SEC13: variants seen among roughly 807,000 people sequenced by gnomAD.
SEC13 encodes the protein SEC13 homolog, nuclear pore and COPII component.
A neutral mutation model predicts 49.2 loss-of-function variants in SEC13; 25 were observed. That is an observed-to-expected ratio of 0.51 (90% CI 0.37 to 0.71). The LOEUF (loss-of-function observed/expected upper bound fraction) is 0.71. Ranked by LOEUF, SEC13 falls within the 30% of genes least tolerant of loss-of-function variation. The pLI is 0.00. For missense variants in SEC13, 383 were observed against 417.6 expected, an observed-to-expected ratio of 0.92 and a Z score of 0.72; for synonymous variants, 148 against 163.9, an observed-to-expected ratio of 0.90 and a Z score of 0.74.
chr3:10,312,721 A>AC lies in SEC13; in HGVS notation c.173dup (p.Pro59SerfsTer22). On this transcript the variant is annotated frameshift_variant, in exon 4 of 9. Coordinates refer to ENST00000350697, the MANE Select transcript of SEC13 (RefSeq NM_183352.3). LOFTEE classifies it high-confidence loss of function. The stretch of plus-strand genomic sequence containing the variant: ...GAGCCCAGGCCACTTGCCACACAGG[A>AC]CCCTCATGACTACAAAGGGAGAGAT... 1 of 1,614,108 alleles carries AC rather than the reference A, an allele frequency of 6.2e-7. No individual in the cohort carries two copies. Among genetic ancestry groups the AC allele is most frequent in the Non-Finnish European group, 8.5e-7 (1 of 1,180,004 alleles).
chr3:10,312,863 A>G (rs775850960), intron 3 of SEC13, 133 bp from the exon 4 acceptor site: 5 of 845,380 alleles, frequency 5.9e-6, no homozygotes, highest in African/African-American at 3.4e-5. Context: ...GAACTATACA[A>G]TGCCATTGCA....
In SEC13 at chr3:10,315,431, G is replaced by C; in HGVS notation, c.54C>G (p.Asp18Glu). 1 of 1,506,974 alleles carries C rather than the reference G, an allele frequency of 6.6e-7. No individual in the cohort carries two copies. 93.4% of individuals were successfully genotyped at this position (1,506,974 alleles called of 1,614,324 possible). A position where few individuals can be genotyped will look rare whatever the true frequency, so the allele number is the denominator to read the frequency against. The stretch of plus-strand genomic sequence containing the variant: ...GGGTGCCATAGTAGTCCATCTGGGC[G>C]TCGTGCTGCAAAGGGAGGACAGCTC... ...VDTSHEDMIH[D>E]AQMDYYGTRL... Residue 18 changes from aspartate (D) to glutamate (E), a missense_variant, in exon 3 of 9, where the codon GAC (aspartate) becomes GAG (glutamate). Transcript: ENST00000350697.
chr3:10,319,297 A>G lies in SEC13; in HGVS notation c.4-1203T>C, dbSNP rs1279838409. ...TCTCTCATCAGATTCTAGACTCTCT[A>G]AAAACCAGGTCCCCGAAGTCTGCAA... On this transcript the variant is annotated intron_variant, in intron 1 of 8. Coordinates refer to ENST00000350697, the MANE Select transcript of SEC13 (RefSeq NM_183352.3). 1.9e-6 allele frequency: 3 copies of G among 1,593,418 alleles called. No homozygotes were observed. In the Admixed American group the frequency reaches 5.5e-5, roughly 29 times the overall value.
Position 10,312,668 on chromosome 3 carries a change from G to A in SEC13, c.227C>T (p.Ser76Leu), listed in dbSNP as rs766208174. 6.2e-7 allele frequency: 1 copy of A among 1,614,166 alleles called. No individual in the cohort carries two copies. Among genetic ancestry groups the A allele is most frequent in the African/African-American group, 1.3e-5 (1 of 75,038 alleles). ...AATGACTTTCCGGTCATAGGAGCAC[G>A]ATGCCAGGATGTTGCCGTACATGGG... ...AHPMYGNILA[S>L]CSYDRKVIIW... Residue 76 changes from serine (S) to leucine (L), a missense_variant, in exon 4 of 9, where the codon TCG becomes TTG. Coordinates refer to ENST00000350697, the MANE Select transcript of SEC13 (RefSeq NM_183352.3).
intron 8 of SEC13, among the ~76,000 whole-genome samples, chr3:10,301,701 A>G (rs1700530259): frequency 6.6e-6 from 1 of 152,222 alleles, no homozygotes. Context: ...AGAGCAGAGC[A>G]TCGGTCACCT....
In SEC13 at chr3:10,301,231, C is replaced by T. The variant is rs371219254; in HGVS notation, c.*30G>A. ...CAGGAAGGGGCAGTCCTGGAGCTGG[C>T]GGGTGGGGAGCCAGGCCCCACCTGT... On this transcript the variant is annotated 3_prime_UTR_variant, in exon 9 of 9. Coordinates refer to ENST00000350697, the MANE Select transcript of SEC13 (RefSeq NM_183352.3). 19 of 1,613,934 alleles carry T rather than the reference C, an allele frequency of 1.2e-5. No individual in the cohort carries two copies. In the East Asian group the frequency reaches 2.2e-4, roughly 19 times the overall value.
At chr3:10,302,044 C>T (rs1700561661) in intron 8 of SEC13, among the ~76,000 whole-genome samples, 1 of 152,042 alleles carries the variant, frequency 6.6e-6, no homozygotes, top group South Asian at 2.1e-4. Context: ...GAGTTCGCGA[C>T]CAGCCTGAAC....
At chr3:10,319,548 T>G (rs1220942998) in intron 1 of SEC13, among the ~76,000 whole-genome samples, 2 of 152,014 alleles carry the variant, frequency 1.3e-5, no homozygotes, top group Admixed American at 6.6e-5. Flanking sequence ...CTTCTAATGC[T>G]GAGTCCACAA....
intron 1 of SEC13, chr3:10,320,675 T>C (rs1466269511): frequency 7.4e-6 from 8 of 1,083,314 alleles, no homozygotes; most frequent in East Asian, 6.0e-5. Flanking sequence ...CTGTAAAGTG[T>C]TGAGAAGAAT....
intron 1 of SEC13, chr3:10,320,782 CA>C: frequency 7.6e-6 from 10 of 1,322,562 alleles, no homozygotes; most frequent in Non-Finnish European, 9.6e-6. Flanking sequence ...GTTTTGTTTT[CA>C]ATTGTTGACC....
chr3:10,320,926 C>A, intron 1 of SEC13, 124 bp downstream of exon 1: 3 of 1,511,666 alleles, frequency 2.0e-6, no homozygotes, highest in Non-Finnish European at 2.7e-6. Context: ...CCCCAAATCT[C>A]TAAGCGGTGG....
At chr3:10,314,768 C>T (rs903503721) in intron 3 of SEC13, among the ~76,000 whole-genome samples, 2 of 152,232 alleles carry the variant, frequency 1.3e-5, no homozygotes, top group African/African-American at 4.8e-5. Flanking sequence ...TGTAAATAAT[C>T]ACTGAACACG....
chr3:10,302,887 G>T (rs955805702), intron 8 of SEC13, among the ~76,000 whole-genome samples: 3 of 152,196 alleles, frequency 2.0e-5, no homozygotes, highest in Non-Finnish European at 4.4e-5. Flanking sequence ...CACATGCTAC[G>T]TACAGCATGG....
intron 8 of SEC13, among the ~76,000 whole-genome samples, chr3:10,302,477 C>T (rs776814556): frequency 1.3e-5 from 2 of 152,160 alleles, no homozygotes; most frequent in African/African-American, 4.8e-5. Flanking sequence ...TGCACAGTGA[C>T]GGGCCCCACA....
rs1457965583 is a variant in SEC13 at position 10,305,263 on chromosome 3, T to A, written c.585-107A>T. 1.2e-5 allele frequency: 18 copies of A among 1,440,462 alleles called. No individual in the cohort carries two copies. In the Middle Eastern group the frequency reaches 2.0e-3, roughly 160 times the overall value. The allele number at this position is 1,440,462 out of a possible 1,614,324, so 89.2% of individuals were successfully genotyped here. On this transcript the variant is annotated intron_variant, in intron 6 of 8. Coordinates refer to ENST00000350697, the MANE Select transcript of SEC13 (RefSeq NM_183352.3). ...GGGTGGAGAAGCGATTCCATCTTTC[T>A]TCTTTCATTCATGGAGTTTGTGGCA...
intron 5 of SEC13, 183 bp downstream of exon 5, chr3:10,311,782 G>A: frequency 2.8e-6 from 4 of 1,448,074 alleles, no homozygotes; most frequent in Non-Finnish European, 2.7e-6. Flanking sequence ...GCCAAGCCCT[G>A]CCTGGTCTGG....
Position 10,301,231 on chromosome 3 carries a change from C to G in SEC13, c.*30G>C. The G allele has an allele frequency of 1.9e-6, 3 of 1,614,052 alleles. No individual in the cohort carries two copies. The highest frequency in any genetic ancestry group is 2.5e-6 in the Non-Finnish European group (3 of 1,179,978). ...CAGGAAGGGGCAGTCCTGGAGCTGG[C>G]GGGTGGGGAGCCAGGCCCCACCTGT... On this transcript the variant is annotated 3_prime_UTR_variant, in exon 9 of 9. Transcript: ENST00000350697.
intron 2 of SEC13, 41 bp from the exon 3 acceptor site, chr3:10,315,477 G>C (rs1176866602): frequency 1.4e-6 from 1 of 705,212 alleles, no homozygotes; most frequent in African/African-American, 1.8e-5. Context: ...CAGGCTGGGT[G>C]GGTGGGTGGG....
At chr3:10,301,518 A>C in intron 8 of SEC13, 144 bp from the exon 9 acceptor site, 46 of 1,044,126 alleles carry the variant, frequency 4.4e-5, no homozygotes, top group Non-Finnish European at 5.9e-5. Flanking sequence ...CTGAAATCTC[A>C]CCAAAATGAG....
Sources: allele counts gnomAD v4.1 joint callset (sites outside exome capture counted in the v4.1 genomes callset), GRCh38; gene constraint gnomAD v4.1.1; transcripts MANE v1.5; gene names NCBI Gene and HGNC (gene_info 2026-07-23, HGNC 2026-07-21).